Variants in PIK3C2G observed in about 807,000 individuals in gnomAD.
The protein encoded by PIK3C2G is phosphatidylinositol 3-kinase C2 domain-containing subunit gamma.
Under a neutral mutation model 181.1 loss-of-function variants are expected in PIK3C2G, and 168 were observed. The ratio of observed to expected loss-of-function variants is 0.93; its 90% CI spans 0.82 to 1.05. The LOEUF is 1.05. PIK3C2G is among the 50% of genes least tolerant of loss of function. The pLI is 0.00. For synonymous variants in PIK3C2G, 573 were observed against 592.2 expected (o/e 0.97, Z 0.47); for missense variants, 1,869 against 1,732.8 (o/e 1.08, Z -1.40).
At position 18,379,577 on chromosome 12, in the gene PIK3C2G, A is replaced by G. The variant is rs1942694550; in HGVS notation, c.1881-2189A>G. Reference sequence around the variant, plus strand: ...CCCTGGCTCTCTTCCTAAGAGGGGAAAAGGATATATAAGAAAAGGAGAAAA... The same window carrying G: ...CCCTGGCTCTCTTCCTAAGAGGGGAGAAGGATATATAAGAAAAGGAGAAAA... On this transcript the variant is annotated intron_variant, in intron 13 of 32. Transcript: ENST00000538779. Among the ~76,000 whole-genome samples the G allele has an allele frequency of 2.0e-5, 3 of 152,336 alleles. No homozygotes were observed. The South Asian group carries it at 6.2e-4, about 32-fold the overall frequency.
At chr12:18,609,485 G>A in intron 30 of PIK3C2G, 50 bp from the exon 31 acceptor site, 1 of 1,036,894 alleles carries the variant, frequency 9.6e-7, no homozygotes, top group Non-Finnish European at 1.5e-6. Context: ...GATTGTTCCT[G>A]TGCTGAGCTT....
At chr12:18,557,110 G>A (rs893108081) in intron 26 of PIK3C2G, among the ~76,000 whole-genome samples, 2 of 152,138 alleles carry the variant, frequency 1.3e-5, no homozygotes, top group Non-Finnish European at 2.9e-5. Flanking sequence ...CTCCTGGAAA[G>A]TTTTAGTACA....
At chr12:18,311,811 CA>C (rs1220365507) in intron 5 of PIK3C2G, among the ~76,000 whole-genome samples, 4 of 151,888 alleles carry the variant, frequency 2.6e-5, no homozygotes, top group Non-Finnish European at 5.9e-5. Context: ...TACACTGTCA[CA>C]AGGTGAGATC....
intron 3 of PIK3C2G, among the ~76,000 whole-genome samples, chr12:18,289,181 A>T (rs1047867964): frequency 2.6e-5 from 4 of 152,198 alleles, no homozygotes; most frequent in Non-Finnish European, 5.9e-5. Context: ...ATTCAAAAGA[A>T]GATCAAATGG....
intron 15 of PIK3C2G, among the ~76,000 whole-genome samples, chr12:18,396,781 C>A (rs927805531): frequency 1.3e-5 from 2 of 151,442 alleles, no homozygotes; most frequent in African/African-American, 4.8e-5. Context: ...TAAAGAAAAT[C>A]TAAATAAATG....
chr12:18,412,819 G>A (rs1944941839), intron 16 of PIK3C2G, among the ~76,000 whole-genome samples: 1 of 152,050 alleles, frequency 6.6e-6, no homozygotes, highest in African/African-American at 2.4e-5. Flanking sequence ...CTAACCATTG[G>A]TCACTTATTA....
rs1938762913 is a variant in PIK3C2G at position 18,338,456 on chromosome 12, A to T, written c.1303A>T (p.Lys435Ter). The change falls in exon 9 of 33, where the codon AAA (lysine) becomes TAA (stop). Residue 435 changes from lysine to a stop codon, truncating the protein, a stop_gained. Transcript: ENST00000538779. LOFTEE classifies it high-confidence loss of function. ...CGTGTATAATATTATTGAAGAAGTT[A>T]AAAAAATATGCAGTGTTCTAGGGTG... is the stretch of plus-strand genomic sequence containing the variant. The part of the protein sequence containing the change: ...ENVYNIIEEV[K>*]KICSVLGCVE... 1 of 1,568,894 alleles carries T rather than the reference A, an allele frequency of 6.4e-7. No individual in the cohort carries two copies. The highest frequency in any genetic ancestry group is 8.8e-7 in the Non-Finnish European group (1 of 1,141,272).
At chr12:18,677,384 A>C in the PIK3C2G span, among the ~76,000 whole-genome samples, 1 of 152,108 alleles carries the variant, frequency 6.6e-6, no homozygotes, top group African/African-American at 2.4e-5. Flanking sequence ...AGTTGTTTTC[A>C]GTCCTGACCA....
chr12:18,405,952 C>G (rs763612285), intron 16 of PIK3C2G, among the ~76,000 whole-genome samples: 1 of 152,074 alleles, frequency 6.6e-6, no homozygotes, highest in South Asian at 2.1e-4. Flanking sequence ...CTGATCTCCA[C>G]GCAGTGCAAT....
intron 24 of PIK3C2G, among the ~76,000 whole-genome samples, chr12:18,511,200 T>G (rs1942185185): frequency 6.6e-6 from 1 of 152,186 alleles, no homozygotes; most frequent in African/African-American, 2.4e-5. Context: ...TGTGTGTACG[T>G]ACTACATTTT....
chr12:18,538,688 T>C lies in PIK3C2G; in HGVS notation c.3480+376T>C, dbSNP rs2290095. Among the ~76,000 whole-genome samples the C allele has an allele frequency of 4.6e-4, 70 of 152,056 alleles. 1 individual carries two copies. In the East Asian group the frequency reaches 9.1e-3, roughly 20 times the overall value. On this transcript the variant is annotated intron_variant, in intron 25 of 32. Transcript: ENST00000538779. Reference sequence around the variant, plus strand: ...TATATATCATGACAACCTAATAGTGTAGACCAGGCAAGAATTTTCCCTGGC... The same window carrying C: ...TATATATCATGACAACCTAATAGTGCAGACCAGGCAAGAATTTTCCCTGGC...
At position 18,416,383 on chromosome 12, in the gene PIK3C2G, A is replaced by G. The variant is rs554953120; in HGVS notation, c.2316-4558A>G. 2.3e-4 allele frequency among the ~76,000 whole-genome samples: 35 copies of G among 152,332 alleles called. 1 individual carries two copies. In the South Asian group the frequency reaches 4.6e-3, roughly 20 times the overall value. ...TAAGATCCAGCTAAGGTCATTGAAG[A>G]CTGTGGCTACACTAAGCAACAGATT... is the stretch of plus-strand genomic sequence containing the variant. On this transcript the variant is annotated intron_variant, in intron 16 of 32. Transcript: ENST00000538779.
At chr12:18,541,977 C>T (rs1471959078) in intron 25 of PIK3C2G, among the ~76,000 whole-genome samples, 2 of 151,788 alleles carry the variant, frequency 1.3e-5, no homozygotes, top group Non-Finnish European at 2.9e-5. Flanking sequence ...ATAGGTTCAT[C>T]TGGTATGAAG....
intron 29 of PIK3C2G, among the ~76,000 whole-genome samples, chr12:18,573,975 A>C (rs539943596): frequency 6.6e-6 from 1 of 152,322 alleles, no homozygotes; most frequent in East Asian, 1.9e-4. Flanking sequence ...ATGTGGATCA[A>C]AAAAGGCTTT....
intron 18 of PIK3C2G, among the ~76,000 whole-genome samples, chr12:18,481,988 T>C (rs1055545349): frequency 6.6e-6 from 1 of 152,282 alleles, no homozygotes; most frequent in Non-Finnish European, 1.5e-5. Flanking sequence ...CTTTTAACGA[T>C]TTAAAAAATA....
chr12:18,282,636 C>T lies in PIK3C2G; in HGVS notation c.555C>T (p.Asp185=), dbSNP rs1176966453. Residue 185 remains aspartate (D), a synonymous_variant, in exon 2 of 33, where the codon GAC becomes GAT. Transcript: ENST00000538779. ...IPPTNSSFSS[D]FMPKEENKRS... Reference sequence around the variant, plus strand: ...CAACAAATTCATCCTTCTCAAGTGACTTCATGCCGAAAGAAGAGAATAAAA... The same window carrying T: ...CAACAAATTCATCCTTCTCAAGTGATTTCATGCCGAAAGAAGAGAATAAAA... The T allele has an allele frequency of 3.1e-6, 5 of 1,613,286 alleles. No homozygotes were observed. The Admixed American group carries it at 6.7e-5, about 22-fold the overall frequency.
At chr12:18,501,172 G>T (rs1246021651) in intron 22 of PIK3C2G, among the ~76,000 whole-genome samples, 1 of 152,292 alleles carries the variant, frequency 6.6e-6, no homozygotes, top group East Asian at 1.9e-4. Context: ...CAGCAATTCC[G>T]GACGCACCTG....
chr12:18,714,306 C>T, the PIK3C2G span, among the ~76,000 whole-genome samples: 1 of 152,250 alleles, frequency 6.6e-6, no homozygotes, highest in East Asian at 1.9e-4. Flanking sequence ...ATGTGCCAAC[C>T]ACAGACAGGG....
chr12:18,303,462 A>C (rs10841013), intron 5 of PIK3C2G, among the ~76,000 whole-genome samples: 59,026 of 151,808 alleles, frequency 0.39, 12,062 homozygotes, highest in East Asian at 0.65. Flanking sequence ...CAGCCTCCAG[A>C]GTAGCTGGGA....
Sources: gnomAD v4.1 joint callset for allele counts (sites outside exome capture counted in the v4.1 genomes callset) on GRCh38, gnomAD v4.1.1 for gene constraint, MANE v1.5 for transcripts, NCBI Gene and HGNC (gene_info 2026-07-23, HGNC 2026-07-21) for gene names.